PGM3: variants seen among roughly 807,000 people sequenced by gnomAD.
The protein encoded by PGM3 is phosphoacetylglucosamine mutase.
A neutral mutation model predicts 66.2 loss-of-function variants in PGM3; 40 were observed. The ratio of observed to expected loss-of-function variants is 0.60; its 90% CI spans 0.47 to 0.79. The LOEUF (loss-of-function observed/expected upper bound fraction) is 0.79. PGM3 is among the 30% of genes least tolerant of loss of function. PGM3 has a pLI of 0.00. For missense variants in PGM3, 537 were observed against 643.4 expected (o/e 0.83, Z 1.79); for synonymous variants, 191 against 224.2 (o/e 0.85, Z 1.32).
In PGM3 at chr6:83,170,328, C is replaced by G; in HGVS notation, c.1516G>C (p.Val506Leu). The change falls in exon 12 of 13, where the codon GTA becomes CTA. Residue 506 changes from valine (V) to leucine (L), a missense_variant. Transcript: ENST00000513973. ...RPSGTEDVVRVYAEADSQESA... is the reference protein window; with the variant it reads ...RPSGTEDVVRLYAEADSQESA... The stretch of plus-strand genomic sequence containing the variant: ...ACTTGTGAGTCTGCTTCTGCATATA[C>G]TCGGACGACATCTTCTGTACCAGAG... 3.1e-6 allele frequency: 5 copies of G among 1,614,156 alleles called. No homozygotes were observed. The highest frequency in any genetic ancestry group is 4.2e-6 in the Non-Finnish European group (5 of 1,180,024).
At chr6:83,177,956 C>G (rs1206714919) in intron 8 of PGM3, among the ~76,000 whole-genome samples, 1 of 152,136 alleles carries the variant, frequency 6.6e-6, no homozygotes, top group East Asian at 1.9e-4. Flanking sequence ...GGCTATAAAG[C>G]CCTACTTTTC....
rs1786873835 is a variant in PGM3 at position 83,170,490 on chromosome 6, C to T, written c.1366-12G>A. ...CTCCTGTCTGCAACCTAAGTGCAAGCATTTCATATTTGTTACTCTATTACA... is the reference window on the plus strand; with the variant it reads ...CTCCTGTCTGCAACCTAAGTGCAAGTATTTCATATTTGTTACTCTATTACA... On this transcript the variant is annotated splice_polypyrimidine_tract_variant and intron_variant, in intron 11 of 12. Transcript: ENST00000513973. 4 of 1,610,932 alleles carry T rather than the reference C, an allele frequency of 2.5e-6. No individual in the cohort carries two copies. The highest frequency in any genetic ancestry group is 2.2e-5 in the South Asian group (2 of 90,954).
At chr6:83,149,474 C>T in the PGM3 span, among the ~76,000 whole-genome samples, 13 of 152,052 alleles carry the variant, frequency 8.5e-5, no homozygotes, top group Admixed American at 3.3e-4. Flanking sequence ...TATTCTGGGG[C>T]AAAGTACCTT....
At chr6:83,154,220 A>AT in the PGM3 span, 6 of 1,613,848 alleles carry the variant, frequency 3.7e-6, no homozygotes. Flanking sequence ...ACATGATAAA[A>AT]CAACATTTAG....
rs1478016385 is a variant in PGM3 at position 83,182,952 on chromosome 6, G to A, written c.484C>T (p.Leu162=). ...HDYGLLTTPQ[L]HYMVYCRNTG... is the part of the protein sequence containing the mutation. ...TTTCGACAATACACCATGTAGTGCA[G>A]CTGGGGTGTTGTTAACAAGCCATAA... is the stretch of plus-strand genomic sequence containing the variant. Residue 162 remains leucine, a synonymous_variant, in exon 5 of 13, where the codon CTG becomes TTG. Transcript: ENST00000513973. 1.2e-6 allele frequency: 2 copies of A among 1,613,860 alleles called. No homozygotes were observed. Among genetic ancestry groups the A allele is most frequent in the Admixed American group, 3.3e-5 (2 of 59,996 alleles).
downstream of PGM3, among the ~76,000 whole-genome samples, chr6:83,158,824 G>A (rs1049796848): frequency 6.6e-6 from 1 of 152,036 alleles, no homozygotes; most frequent in Non-Finnish European, 1.5e-5. Context: ...TCATTGCCCT[G>A]GGCCCCTAGA....
intron 4 of PGM3, 37 bp from the exon 5 acceptor site, chr6:83,183,015 C>T (rs1179097261): frequency 6.3e-7 from 1 of 1,593,212 alleles, no homozygotes; most frequent in Admixed American, 1.7e-5. Context: ...CACCGCATTT[C>T]TTAACAAAGA....
rs1050114389 is a variant in PGM3, at chr6:83,165,731, T to C, written c.*3503A>G. ...GTGAATATGGCAGATGAGGCAAAAC[T>C]TCATAGCCCAATTAGTTCAATTTTC... On this transcript the variant is annotated 3_prime_UTR_variant, in exon 13 of 13. Transcript: ENST00000513973. The C allele has an allele frequency of 1.7e-5, 4 of 232,816 alleles. No homozygotes were observed. The highest frequency in any genetic ancestry group is 3.6e-5 in the Non-Finnish European group (4 of 109,662). 14.4% of individuals were successfully genotyped at this position (232,816 alleles called of 1,614,324 possible).
intron 5 of PGM3, 105 bp from the exon 6 acceptor site, chr6:83,182,036 CATTTT>C: frequency 1.7e-6 from 1 of 574,654 alleles, no homozygotes; most frequent in African/African-American, 1.9e-5. Context: ...TTAGTTAACT[CATTTT>C]AATTTTTAAA....
At chr6:83,150,110 C>G in the PGM3 span, among the ~76,000 whole-genome samples, 1 of 152,174 alleles carries the variant, frequency 6.6e-6, no homozygotes, top group Non-Finnish European at 1.5e-5. Context: ...TGCGGTGGCT[C>G]ATGCCTGCAA....
rs113660483 is a variant in PGM3 at position 83,189,979 on chromosome 6, G to T, written c.204+830C>A. On this transcript the variant is annotated intron_variant, in intron 2 of 12. Transcript: ENST00000513973. ...AGAGTAGTATGGTGGCGGCTAGAGG[G>T]TAAGGGAAATGGGGAGATGCTGGCC... Among the ~76,000 whole-genome samples, 1,096 of 151,910 alleles carry T rather than the reference G, an allele frequency of 7.2e-3. 14 individuals carry two copies. The highest frequency in any genetic ancestry group is 0.025 in the African/African-American group (1,037 of 41,514).
chr6:83,162,945 T>C (rs1784572090), downstream of PGM3: 1 of 1,604,776 alleles, frequency 6.2e-7, no homozygotes, highest in African/African-American at 1.3e-5. Flanking sequence ...GTGATTGTTT[T>C]GTTTTACATC....
downstream of PGM3, chr6:83,163,013 T>TA (rs1784597570): frequency 1.4e-6 from 2 of 1,379,458 alleles, no homozygotes. Context: ...CTGAGAACGT[T>TA]ATCAAGTTGA....
In PGM3 at chr6:83,167,805, T is replaced by C. The variant is rs201660780; in HGVS notation, c.*1429A>G. On this transcript the variant is annotated 3_prime_UTR_variant, in exon 13 of 13. Coordinates refer to ENST00000513973, the MANE Select transcript of PGM3 (RefSeq NM_015599.3). ...CCAAAGTTTATATATTTTTAATTTTTCTAACATACCACATTGTCTGTTGTA... is the reference window on the plus strand; with the variant it reads ...CCAAAGTTTATATATTTTTAATTTTCCTAACATACCACATTGTCTGTTGTA... 1.5e-5 allele frequency: 23 copies of C among 1,510,332 alleles called. No individual in the cohort carries two copies. The Middle Eastern group carries it at 2.8e-3, about 181-fold the overall frequency. The allele number at this position is 1,510,332 out of a possible 1,614,324, so 93.6% of individuals were successfully genotyped here.
At position 83,168,239 on chromosome 6, in the gene PGM3, T is replaced by C; in HGVS notation, c.*995A>G. ...AAAACACACACACTGCTCTGCGTTG[T>C]ATAGTTTTTCCTTTTTTGTATGTAA... On this transcript the variant is annotated 3_prime_UTR_variant, in exon 13 of 13. Transcript: ENST00000513973. 1 of 1,494,320 alleles carries C rather than the reference T, an allele frequency of 6.7e-7. No individual in the cohort carries two copies. Among genetic ancestry groups the C allele is most frequent in the Non-Finnish European group, 8.8e-7 (1 of 1,130,176 alleles). The allele number at this position is 1,494,320 out of a possible 1,614,324, so 92.6% of individuals were successfully genotyped here. A position where few individuals can be genotyped will look rare whatever the true frequency, so the allele number is the denominator to read the frequency against.
chr6:83,159,373 G>A (rs1044560842), downstream of PGM3, among the ~76,000 whole-genome samples: 1 of 151,884 alleles, frequency 6.6e-6, no homozygotes, highest in Non-Finnish European at 1.5e-5. Flanking sequence ...TCCCAGGCTC[G>A]GGTGATTCCC....
intron 1 of PGM3, chr6:83,191,324 C>G: frequency 8.6e-7 from 1 of 1,168,784 alleles, no homozygotes; most frequent in Non-Finnish European, 1.2e-6. Context: ...CCACTCTCAA[C>G]TAAAATGAAG....
chr6:83,193,660 A>T (rs1478327372), upstream of PGM3, among the ~76,000 whole-genome samples: 1 of 152,144 alleles, frequency 6.6e-6, no homozygotes, highest in African/African-American at 2.4e-5. Context: ...CCTCGCCCAC[A>T]GTGAGCGCCG....
At position 83,189,970 on chromosome 6, in the gene PGM3, G is replaced by A. The variant is rs148331944; in HGVS notation, c.204+839C>T. On this transcript the variant is annotated intron_variant, in intron 2 of 12. Transcript: ENST00000513973. ...CAGAAACACAGAGTAGTATGGTGGC[G>A]GCTAGAGGGTAAGGGAAATGGGGAG... is the stretch of plus-strand genomic sequence containing the variant. 2.7e-3 allele frequency among the ~76,000 whole-genome samples: 408 copies of A among 152,304 alleles called. 4 individuals carry two copies. The highest frequency in any genetic ancestry group is 9.1e-3 in the African/African-American group (380 of 41,560).
Sources: allele counts gnomAD v4.1 joint callset (sites outside exome capture counted in the v4.1 genomes callset), GRCh38; gene constraint gnomAD v4.1.1; transcripts MANE v1.5; gene names NCBI Gene and HGNC (gene_info 2026-07-23, HGNC 2026-07-21).